DTX4: variants seen among roughly 807,000 people sequenced by gnomAD.
DTX4 encodes E3 ubiquitin-protein ligase DTX4.
Under a neutral mutation model 57.6 loss-of-function variants are expected in DTX4, and 28 were observed. That is an observed-to-expected ratio of 0.49 (90% CI 0.36 to 0.67). The LOEUF (loss-of-function observed/expected upper bound fraction) is 0.67. Among genes scored for constraint, DTX4 ranks in the 30% least tolerant of loss-of-function variants. The pLI, the probability that DTX4 is intolerant of heterozygous loss-of-function variation, is 0.00. For missense variants in DTX4, 715 were observed against 836.8 expected (o/e 0.85, Z 1.80); for synonymous variants, 316 against 331.0 (o/e 0.95, Z 0.49).
chr11:59,183,428 C>T (rs554926652), intron 2 of DTX4, among the ~76,000 whole-genome samples: 34 of 152,236 alleles, frequency 2.2e-4, no homozygotes, highest in African/African-American at 7.9e-4. Context: ...TCTTGATTTT[C>T]CTGATCATAA....
chr11:59,181,589 C>T (rs1167659855), intron 1 of DTX4, 150 bp from the exon 2 acceptor site: 1 of 1,132,136 alleles, frequency 8.8e-7, no homozygotes, highest in African/African-American at 1.6e-5. Flanking sequence ...GAGTTTCATT[C>T]AAAGCTGGCA....
chr11:59,180,460 G>T (rs140374576), intron 1 of DTX4, among the ~76,000 whole-genome samples: 45 of 152,326 alleles, frequency 3.0e-4, no homozygotes, highest in Middle Eastern at 3.4e-3. Context: ...AATAGCCATT[G>T]TTTCTTTTCT....
intron 2 of DTX4, among the ~76,000 whole-genome samples, chr11:59,184,872 C>A (rs982580745): frequency 1.3e-5 from 2 of 152,224 alleles, no homozygotes; most frequent in Non-Finnish European, 2.9e-5. Context: ...ACCTCCCTCA[C>A]CCCCAATCCC....
At chr11:59,182,662 T>G (rs777542296) in intron 2 of DTX4, among the ~76,000 whole-genome samples, 200 bp downstream of exon 2, 2 of 152,200 alleles carry the variant, frequency 1.3e-5, no homozygotes, top group Non-Finnish European at 2.9e-5. Context: ...TGATCTGGAC[T>G]CTGGTTGAGA....
intron 1 of DTX4, among the ~76,000 whole-genome samples, chr11:59,176,892 G>A (rs1486474565): frequency 1.3e-5 from 2 of 152,064 alleles, no homozygotes; most frequent in South Asian, 2.1e-4. Flanking sequence ...TAGAAAAGTC[G>A]AGAACTAGCA....
At chr11:59,196,594 G>T (rs1295696137) in intron 7 of DTX4, among the ~76,000 whole-genome samples, 1 of 152,200 alleles carries the variant, frequency 6.6e-6, no homozygotes, top group African/African-American at 2.4e-5. Context: ...CCACAGAAGG[G>T]GCCGCACAGT....
chr11:59,202,759 G>A (rs1438154114), intron 8 of DTX4, among the ~76,000 whole-genome samples: 1 of 152,190 alleles, frequency 6.6e-6, no homozygotes, highest in Non-Finnish European at 1.5e-5. Context: ...GTTTCCTTGA[G>A]AGGGATGATG....
rs144618446 is a variant in DTX4 at position 59,172,236 on chromosome 11, G to A, written c.-360G>A. Among the ~76,000 whole-genome samples, 2 of 152,066 alleles carry A rather than the reference G, an allele frequency of 1.3e-5. No homozygotes were observed. Among genetic ancestry groups the A allele is most frequent in the Non-Finnish European group, 2.9e-5 (2 of 67,976 alleles). ...CTTGCCTCGCCGTCAGCCCCAGCTC[G>A]CGGCCGCCGGGGCTCGGGCCGCGCG... On this transcript the variant is annotated 5_prime_UTR_variant, in exon 1 of 9. Transcript: ENST00000227451.
rs12796683 is a variant in DTX4 at position 59,172,805 on chromosome 11, G to C, written c.210G>C (p.Thr70=). 4.5e-6 allele frequency: 7 copies of C among 1,557,206 alleles called. No homozygotes were observed. Among genetic ancestry groups the C allele is most frequent in the East Asian group, 5.0e-5 (2 of 40,278 alleles). The change falls in exon 1 of 9, where the codon ACG becomes ACC. Residue 70 remains threonine, a splice_region_variant and synonymous_variant. Transcript: ENST00000227451. ...CCATGAACCAGTTCCGCCAAGACAC[G>C]GGTGAGCCAGCCGCCCCTGACCCCG... ...LQSMNQFRQD[T]GTLRPVRRNY...
At chr11:59,191,006 T>G in intron 4 of DTX4, 108 bp from the exon 5 acceptor site, 1 of 962,586 alleles carries the variant, frequency 1.0e-6, no homozygotes, top group South Asian at 1.6e-5. Context: ...CTCCCCTTTT[T>G]GCTTTTAACT....
At chr11:59,187,700 G>T (rs999855525) in intron 2 of DTX4, among the ~76,000 whole-genome samples, 1 of 152,188 alleles carries the variant, frequency 6.6e-6, no homozygotes, top group Non-Finnish European at 1.5e-5. Flanking sequence ...CTGCAGGAGT[G>T]TGGGTGACAG....
intron 1 of DTX4, among the ~76,000 whole-genome samples, chr11:59,176,631 G>A (rs2105505): frequency 0.36 from 54,538 of 152,110 alleles, 10,516 homozygotes; most frequent in African/African-American, 0.49. Flanking sequence ...ATGCCCTAAC[G>A]GCAGTGAGTC....
chr11:59,182,252 G>C lies in DTX4; in HGVS notation c.725G>C (p.Ser242Thr). The change falls in exon 2 of 9, where the codon AGC becomes ACC. Residue 242 changes from serine to threonine, a missense_variant. Physicochemically the swap from Ser to Thr is moderately conservative, Grantham distance 58. Coordinates refer to ENST00000227451, the MANE Select transcript of DTX4 (RefSeq NM_015177.2). ...GGCTCTGGGGCCAAGCCACTGGACA[G>C]CACAGGCACCATTCGAGGCCCACTG... is the stretch of plus-strand genomic sequence containing the variant. ...LPGSGAKPLD[S>T]TGTIRGPLKT... The C allele has an allele frequency of 1.2e-6, 2 of 1,612,226 alleles. No homozygotes were observed. Among genetic ancestry groups the C allele is most frequent in the Non-Finnish European group, 1.7e-6 (2 of 1,179,708 alleles).
chr11:59,179,833 C>T (rs903233609), intron 1 of DTX4, among the ~76,000 whole-genome samples: 4 of 151,944 alleles, frequency 2.6e-5, no homozygotes, highest in African/African-American at 7.3e-5. Context: ...GAAAAGTGAC[C>T]GAGAAGAAAA....
At chr11:59,200,815 C>T (rs150550964) in intron 8 of DTX4, among the ~76,000 whole-genome samples, 1 of 152,268 alleles carries the variant, frequency 6.6e-6, no homozygotes, top group East Asian at 1.9e-4. Context: ...AACCATTGAT[C>T]TAAAGGGAGT....
chr11:59,198,469 G>A (rs924018273), intron 7 of DTX4, among the ~76,000 whole-genome samples: 2 of 152,180 alleles, frequency 1.3e-5, no homozygotes, highest in African/African-American at 4.8e-5. Flanking sequence ...AGCTCACGGT[G>A]ACTGCTCCCT....
chr11:59,201,434 G>A (rs752296428), intron 8 of DTX4, among the ~76,000 whole-genome samples: 4 of 152,188 alleles, frequency 2.6e-5, no homozygotes, highest in Non-Finnish European at 5.9e-5. Flanking sequence ...GGGGGCAGAG[G>A]ACAAACAGAG....
chr11:59,175,576 A>C (rs1862386069), intron 1 of DTX4, among the ~76,000 whole-genome samples: 1 of 152,108 alleles, frequency 6.6e-6, no homozygotes. Context: ...GAGAATCTGG[A>C]ATAAGGGTAG....
intron 6 of DTX4, among the ~76,000 whole-genome samples, chr11:59,193,626 CA>C (rs1862626748): frequency 6.6e-6 from 1 of 152,154 alleles, no homozygotes; most frequent in Non-Finnish European, 1.5e-5. Flanking sequence ...ATGGGGCTTT[CA>C]AAAATGTTTC....
Sources: gnomAD v4.1 joint callset for allele counts (sites outside exome capture counted in the v4.1 genomes callset) on GRCh38, gnomAD v4.1.1 for gene constraint, MANE v1.5 for transcripts, NCBI Gene and HGNC (gene_info 2026-07-23, HGNC 2026-07-21) for gene names.